Variants in ENTREP1 observed in about 807,000 individuals in gnomAD.
ENTREP1 encodes the protein endosomal transmembrane epsin interactor 1, also known as Friedreich ataxia region gene X123.
the ENTREP1 span, among the ~76,000 whole-genome samples, chr9:69,376,839 TA>T: frequency 6.6e-6 from 1 of 152,196 alleles, no homozygotes; most frequent in Admixed American, 6.5e-5. Context: ...GATGTGTGTT[TA>T]GTGGAGAGAA....
chr9:69,349,098 C>T, the ENTREP1 span, among the ~76,000 whole-genome samples: 2 of 143,242 alleles, frequency 1.4e-5, no homozygotes, highest in African/African-American at 2.6e-5. Context: ...GCAGGGGAAT[C>T]GCTTGAACCC....
At chr9:69,328,546 G>A in the ENTREP1 span, among the ~76,000 whole-genome samples, 5 of 152,100 alleles carry the variant, frequency 3.3e-5, no homozygotes, top group East Asian at 9.6e-4. Flanking sequence ...ATTATTTTAA[G>A]GCAAATTCCA....
chr9:69,373,332 G>A, the ENTREP1 span, among the ~76,000 whole-genome samples: 58,210 of 151,886 alleles, frequency 0.38, 11,490 homozygotes, highest in Admixed American at 0.43. Flanking sequence ...TTGGGCAAGG[G>A]GTTGCTCTTC....
chr9:69,375,758 T>C, the ENTREP1 span: 2 of 1,613,736 alleles, frequency 1.2e-6, no homozygotes, highest in Non-Finnish European at 1.7e-6. Context: ...GAAGGCAAGA[T>C]TTGCTTCTGT....
At chr9:69,384,065 A>G in the ENTREP1 span, 4 of 1,465,042 alleles carry the variant, frequency 2.7e-6, no homozygotes, top group Admixed American at 3.4e-5. Context: ...AGATTAAAAC[A>G]TGATAAAATA....
chr9:69,355,546 G>T, the ENTREP1 span, among the ~76,000 whole-genome samples: 1 of 152,190 alleles, frequency 6.6e-6, no homozygotes, highest in African/African-American at 2.4e-5. Context: ...GAGTTGAAGA[G>T]GGGAGAGAAA....
chr9:69,383,078 G>A, the ENTREP1 span: 12 of 984,782 alleles, frequency 1.2e-5, no homozygotes, highest in South Asian at 4.7e-5. Context: ...TGCTGTTGAC[G>A]GTTCTTTACC....
chr9:69,376,226 C>CG, the ENTREP1 span, among the ~76,000 whole-genome samples: 1 of 152,104 alleles, frequency 6.6e-6, no homozygotes, highest in African/African-American at 2.4e-5. Flanking sequence ...TTAGCAAAAC[C>CG]TTTAAGTCGC....
the ENTREP1 span, among the ~76,000 whole-genome samples, chr9:69,345,246 C>T: frequency 6.6e-6 from 1 of 151,982 alleles, no homozygotes; most frequent in Non-Finnish European, 1.5e-5. Flanking sequence ...ACGGTGATAC[C>T]AAAGAGTTTC....
the ENTREP1 span, among the ~76,000 whole-genome samples, chr9:69,346,102 C>T: frequency 2.0e-5 from 3 of 151,940 alleles, no homozygotes; most frequent in East Asian, 5.8e-4. Flanking sequence ...CCTGTCTCAG[C>T]TTCCCGGGTA....
At chr9:69,386,261 C>G in the ENTREP1 span, 1 of 202,904 alleles carries the variant, frequency 4.9e-6, no homozygotes, top group Non-Finnish European at 9.8e-6. Flanking sequence ...TTTCTAGATG[C>G]TGCAATCCTA....
chr9:69,348,550 T>C, the ENTREP1 span, among the ~76,000 whole-genome samples: 1 of 152,210 alleles, frequency 6.6e-6, no homozygotes, highest in African/African-American at 2.4e-5. Context: ...TTATGGAATA[T>C]TTTCATCAGC....
chr9:69,367,369 A>T, the ENTREP1 span, among the ~76,000 whole-genome samples: 3 of 149,756 alleles, frequency 2.0e-5, no homozygotes, highest in African/African-American at 7.4e-5. Flanking sequence ...GAATTTTAGG[A>T]TTTTTTTTCT....
the ENTREP1 span, among the ~76,000 whole-genome samples, chr9:69,336,985 A>C: frequency 7.3e-6 from 1 of 137,762 alleles, no homozygotes; most frequent in Non-Finnish European, 1.5e-5. Flanking sequence ...GGCGTCAGCC[A>C]CCAAGCCCGG....
the ENTREP1 span, chr9:69,388,420 AG>A: frequency 6.2e-7 from 1 of 1,603,702 alleles, no homozygotes; most frequent in Non-Finnish European, 8.5e-7. Context: ...ACATGGAGGA[AG>A]CCATCACAAG....
chr9:69,378,268 T>G, the ENTREP1 span, among the ~76,000 whole-genome samples: 1 of 152,160 alleles, frequency 6.6e-6, no homozygotes, highest in Non-Finnish European at 1.5e-5. Flanking sequence ...ATCAAGAAAT[T>G]CTTCCTAGCC....
chr9:69,340,497 A>G, the ENTREP1 span, among the ~76,000 whole-genome samples: 14 of 152,316 alleles, frequency 9.2e-5, no homozygotes, highest in Middle Eastern at 3.4e-3. Flanking sequence ...TAACATACTC[A>G]TGTGTTCAGA....
chr9:69,336,330 C>G, the ENTREP1 span: 2 of 995,234 alleles, frequency 2.0e-6, no homozygotes, highest in African/African-American at 3.3e-5. Flanking sequence ...GAAGTCTGTT[C>G]ATATAAACCA....
chr9:69,341,355 T>C, the ENTREP1 span, among the ~76,000 whole-genome samples: 2 of 152,230 alleles, frequency 1.3e-5, no homozygotes, highest in Non-Finnish European at 2.9e-5. Flanking sequence ...AGACCAAGAA[T>C]AGACAAGGGT....
Sources: gnomAD v4.1 joint callset for allele counts (sites outside exome capture counted in the v4.1 genomes callset) on GRCh38, gnomAD v4.1.1 for gene constraint, MANE v1.5 for transcripts, NCBI Gene and HGNC (gene_info 2026-07-23, HGNC 2026-07-21) for gene names.